Variants in SLC1A7 observed in about 807,000 individuals in gnomAD.
SLC1A7 encodes solute carrier family 1 member 7, also known as excitatory amino acid transporter 5.
Under a neutral mutation model 47.7 loss-of-function variants are expected in SLC1A7, and 40 were observed. The ratio of observed to expected loss-of-function variants is 0.84; its 90% CI spans 0.65 to 1.09. The LOEUF (loss-of-function observed/expected upper bound fraction) is 1.09. Among genes scored for constraint, SLC1A7 ranks in the 50% least tolerant of loss-of-function variants. The probability of loss-of-function intolerance (pLI) is 0.00; values close to 1 mark genes in which losing one functional copy is unlikely to be tolerated. For synonymous variants in SLC1A7, 323 were observed against 325.6 expected (o/e 0.99, Z 0.09); for missense variants, 746 against 769.5 (o/e 0.97, Z 0.36).
chr1:53,119,192 C>G (rs1644794175), intron 2 of SLC1A7, among the ~76,000 whole-genome samples: 2 of 152,186 alleles, frequency 1.3e-5, no homozygotes, highest in South Asian at 4.2e-4. Context: ...AGGCAACTGG[C>G]CAGGCCCTCC....
chr1:53,095,920 T>G (rs1251651785), intron 5 of SLC1A7, among the ~76,000 whole-genome samples: 2 of 147,990 alleles, frequency 1.4e-5, no homozygotes, highest in East Asian at 4.1e-4. Context: ...CCCGCCTCGG[T>G]ACACTCACAC....
At chr1:53,133,883 C>T (rs1325033238) in intron 2 of SLC1A7, among the ~76,000 whole-genome samples, 1 of 152,084 alleles carries the variant, frequency 6.6e-6, no homozygotes, top group African/African-American at 2.4e-5. Context: ...GACAACCCTT[C>T]GAAGTAGGTG....
In SLC1A7 at chr1:53,103,347, C is replaced by T. The variant is rs1644604492; in HGVS notation, c.696G>A (p.Met232Ile). The T allele has an allele frequency of 6.3e-7, 1 of 1,594,234 alleles. No homozygotes were observed. Among genetic ancestry groups the T allele is most frequent in the African/African-American group, 1.3e-5 (1 of 74,786 alleles). Reference sequence around the variant, plus strand: ...GCTGGGCAGGTGGGCAGCACATACCCATGGTGGCAGAGAAGAAGACGATGC... The same window carrying T: ...GCTGGGCAGGTGGGCAGCACATACCTATGGTGGCAGAGAAGAAGACGATGC... Reference protein sequence around the residue: ...VLGIVFFSATMGIMLGRMGDS... With the variant: ...VLGIVFFSATIGIMLGRMGDS... The change falls in exon 5 of 11, where the codon ATG becomes ATA. Residue 232 changes from methionine (M) to isoleucine (I), a missense_variant and splice_region_variant. Physicochemically the swap from Met to Ile is conservative, Grantham distance 10 (BLOSUM62 1). Coordinates refer to ENST00000371494, the MANE Select transcript of SLC1A7 (RefSeq NM_006671.6).
intron 7 of SLC1A7, chr1:53,091,078 T>A: frequency 1.1e-6 from 1 of 939,356 alleles, no homozygotes. Flanking sequence ...CCGAGGGATA[T>A]GGAGGTCTGA....
chr1:53,088,252 T>C (rs771187112), intron 10 of SLC1A7, 25 bp from the exon 11 acceptor site: 3 of 1,565,784 alleles, frequency 1.9e-6, no homozygotes, highest in South Asian at 1.2e-5. Context: ...CAGGTCTTTG[T>C]AGCAGCAGGA....
At chr1:53,104,533 A>C (rs923990594) in intron 4 of SLC1A7, among the ~76,000 whole-genome samples, 1 of 152,252 alleles carries the variant, frequency 6.6e-6, no homozygotes, top group Non-Finnish European at 1.5e-5. Flanking sequence ...AGGGCATTCC[A>C]GAGAGTTACA....
intron 5 of SLC1A7, among the ~76,000 whole-genome samples, chr1:53,097,699 A>G (rs1172972189): frequency 7.8e-6 from 1 of 128,746 alleles, no homozygotes; most frequent in African/African-American, 3.0e-5. Context: ...CACTCATACA[A>G]CCCACCACAG....
At chr1:53,138,968 T>C (rs1645029069) in intron 1 of SLC1A7, among the ~76,000 whole-genome samples, 1 of 152,152 alleles carries the variant, frequency 6.6e-6, no homozygotes, top group African/African-American at 2.4e-5. Flanking sequence ...AAAGCTTCCT[T>C]CTCCTCCCCG....
chr1:53,120,595 C>T (rs967612991), intron 2 of SLC1A7, among the ~76,000 whole-genome samples: 5 of 152,202 alleles, frequency 3.3e-5, no homozygotes, highest in Admixed American at 1.3e-4. Context: ...CCAACCCTGG[C>T]CCAATGTCCC....
intron 5 of SLC1A7, among the ~76,000 whole-genome samples, chr1:53,101,815 G>A (rs539193024): frequency 2.8e-4 from 39 of 140,608 alleles, no homozygotes; most frequent in South Asian, 9.5e-4. Context: ...CTTACACACC[G>A]CCTCGGTACA....
chr1:53,141,260 G>A (rs1194833835), intron 1 of SLC1A7, among the ~76,000 whole-genome samples: 1 of 152,080 alleles, frequency 6.6e-6, no homozygotes, highest in Non-Finnish European at 1.5e-5. Context: ...ACCCTGGCCT[G>A]CCTTCAACAA....
intron 4 of SLC1A7, among the ~76,000 whole-genome samples, chr1:53,104,410 A>G (rs1016474346): frequency 1.3e-5 from 2 of 152,210 alleles, no homozygotes; most frequent in Non-Finnish European, 2.9e-5. Flanking sequence ...TGAACCTGAC[A>G]TGATTTCTGC....
chr1:53,104,881 A>G (rs1245437342), intron 4 of SLC1A7, among the ~76,000 whole-genome samples: 2 of 152,272 alleles, frequency 1.3e-5, no homozygotes, highest in Admixed American at 6.5e-5. Flanking sequence ...AAGACTGAGC[A>G]CAAGGACATT....
Position 53,128,976 on chromosome 1 carries a change from C to T in SLC1A7, c.215+5374G>A, listed in dbSNP as rs1418763093. Among the ~76,000 whole-genome samples, 2 of 140,436 alleles carry T rather than the reference C, an allele frequency of 1.4e-5. 1 individual carries two copies. Among genetic ancestry groups the T allele is most frequent in the African/African-American group, 5.3e-5 (2 of 37,780 alleles). 92.1% of individuals were successfully genotyped at this position (140,436 alleles called of 152,430 possible). On this transcript the variant is annotated intron_variant, in intron 2 of 10. Transcript: ENST00000371494. ...GGCGGATCACCTGAGGTCAGGAGTT[C>T]GAGACCAGCCTGGCCAACATGGTGA...
Position 53,089,871 on chromosome 1 carries a change from C to T in SLC1A7, c.1290G>A (p.Met430Ile), listed in dbSNP as rs373326915. 38 of 1,613,772 alleles carry T rather than the reference C, an allele frequency of 2.4e-5. No individual in the cohort carries two copies. Among genetic ancestry groups the T allele is most frequent in the Non-Finnish European group, 2.9e-5 (34 of 1,180,000 alleles). ...AGIPQAGLVTMVIVLTSVGLP... is the reference protein window; with the variant it reads ...AGIPQAGLVTIVIVLTSVGLP... ...GTCCCACGGAGGTGAGCACGATGAC[C>T]ATGGTGACGAGGCCGGCCTGGGGGA... The change falls in exon 9 of 11, where the codon ATG becomes ATA. Residue 430 changes from methionine (M) to isoleucine (I), a missense_variant. Met to Ile is a conservative substitution (Grantham distance 10). Transcript: ENST00000371494.
chr1:53,100,042 TAC>T (rs376127851), intron 5 of SLC1A7, among the ~76,000 whole-genome samples: 10 of 151,128 alleles, frequency 6.6e-5, no homozygotes, highest in African/African-American at 2.4e-4. Flanking sequence ...ACCACCTTGG[TAC>T]ACACACACCT....
chr1:53,117,452 T>C (rs1644773938), intron 2 of SLC1A7, among the ~76,000 whole-genome samples: 1 of 152,170 alleles, frequency 6.6e-6, no homozygotes. Flanking sequence ...GTAGTACTTG[T>C]AAGATCAAAA....
intron 5 of SLC1A7, among the ~76,000 whole-genome samples, chr1:53,098,428 C>T (rs573307072): frequency 6.6e-6 from 1 of 151,956 alleles, no homozygotes; most frequent in African/African-American, 2.4e-5. Context: ...CTCACACCGC[C>T]TCAGTACACT....
intron 2 of SLC1A7, 66 bp from the exon 3 acceptor site, chr1:53,115,039 A>G (rs905862312): frequency 1.6e-6 from 2 of 1,269,376 alleles, no homozygotes; most frequent in East Asian, 2.4e-5. Flanking sequence ...CTCAGCGCTC[A>G]CTCAGCCCCT....
Sources: gnomAD v4.1 joint callset for allele counts (sites outside exome capture counted in the v4.1 genomes callset) on GRCh38, gnomAD v4.1.1 for gene constraint, MANE v1.5 for transcripts, NCBI Gene and HGNC (gene_info 2026-07-23, HGNC 2026-07-21) for gene names.